FSHR: variants seen among roughly 807,000 people sequenced by gnomAD.
The protein encoded by FSHR is follicle stimulating hormone receptor, also known as follicle-stimulating hormone receptor.
Under a neutral mutation model 52.1 loss-of-function variants are expected in FSHR, and 46 were observed. The ratio of observed to expected loss-of-function variants is 0.88; its 90% CI spans 0.70 to 1.13. The LOEUF (loss-of-function observed/expected upper bound fraction) is 1.13, where lower values mean the gene tolerates loss of function less well. Ranked by LOEUF, FSHR falls within the 50% of genes most tolerant of loss-of-function variation. The pLI, the probability that FSHR is intolerant of heterozygous loss-of-function variation, is 0.00. For missense variants in FSHR, 964 were observed against 834.6 expected, an observed-to-expected ratio of 1.16 and a Z score of -1.91; for synonymous variants, 399 against 309.6, an observed-to-expected ratio of 1.29 and a Z score of -3.03.
chr2:49,107,497 T>TA (rs1671271934), intron 1 of FSHR, among the ~76,000 whole-genome samples: 1 of 152,136 alleles, frequency 6.6e-6, no homozygotes, highest in Non-Finnish European at 1.5e-5. Flanking sequence ...TCTTGTGTCT[T>TA]AAAAATTACA....
intron 8 of FSHR, among the ~76,000 whole-genome samples, chr2:48,969,853 C>T (rs375089256): frequency 3.9e-5 from 6 of 152,168 alleles, no homozygotes; most frequent in African/African-American, 1.4e-4. Flanking sequence ...CTGGTAGTTG[C>T]AACCTTCAAA....
intron 4 of FSHR, 102 bp from the exon 5 acceptor site, chr2:48,990,739 C>G (rs1675733645): frequency 1.2e-6 from 1 of 805,190 alleles, no homozygotes; most frequent in Admixed American, 1.8e-5. Context: ...TTTGAACCAT[C>G]AGAAAAATCT....
intron 1 of FSHR, among the ~76,000 whole-genome samples, chr2:49,088,953 TACTG>T (rs1670498606): frequency 6.6e-6 from 1 of 152,218 alleles, no homozygotes; most frequent in South Asian, 2.1e-4. Flanking sequence ...AATTATATTT[TACTG>T]ACTGTGTAAA....
intron 2 of FSHR, among the ~76,000 whole-genome samples, chr2:49,044,325 C>A (rs957407019): frequency 1.6e-4 from 24 of 152,166 alleles, no homozygotes; most frequent in Admixed American, 6.5e-5. Context: ...CTTCCAGGAA[C>A]CCTCTCGCCT....
chr2:49,134,357 A>G (rs1337639282), intron 1 of FSHR, among the ~76,000 whole-genome samples: 1 of 152,212 alleles, frequency 6.6e-6, no homozygotes, highest in East Asian at 1.9e-4. Context: ...AATCGAAACC[A>G]CAATGAGATA....
intron 1 of FSHR, among the ~76,000 whole-genome samples, chr2:49,070,783 A>G (rs1669701411): frequency 6.6e-6 from 1 of 152,216 alleles, no homozygotes; most frequent in African/African-American, 2.4e-5. Flanking sequence ...ATTTCCTGAA[A>G]TGTTATAAAC....
At chr2:49,036,817 G>A (rs996694062) in intron 2 of FSHR, among the ~76,000 whole-genome samples, 2 of 152,136 alleles carry the variant, frequency 1.3e-5, no homozygotes, top group East Asian at 3.8e-4. Flanking sequence ...TGGCTGACAT[G>A]GAAGTCTGAG....
chr2:48,973,807 CTGTGA>C (rs1427022602), intron 8 of FSHR, among the ~76,000 whole-genome samples: 2 of 152,234 alleles, frequency 1.3e-5, no homozygotes, highest in Non-Finnish European at 2.9e-5. Flanking sequence ...CCCCAGCCAA[CTGTGA>C]TGTTCTCCGA....
At chr2:48,989,336 G>A (rs1443322755) in intron 5 of FSHR, among the ~76,000 whole-genome samples, 4 of 146,208 alleles carry the variant, frequency 2.7e-5, no homozygotes, top group Non-Finnish European at 5.9e-5. Context: ...AGGCTGGAGT[G>A]CAGTGGTGCC....
rs114741296 is a variant in FSHR at position 49,012,350 on chromosome 2, C to T, written c.374+5139G>A. 8.4e-3 allele frequency among the ~76,000 whole-genome samples: 1,272 copies of T among 152,156 alleles called. 18 individuals carry two copies. The highest frequency in any genetic ancestry group is 0.029 in the African/African-American group (1,206 of 41,526). On this transcript the variant is annotated intron_variant, in intron 4 of 9. Coordinates refer to ENST00000406846, the MANE Select transcript of FSHR (RefSeq NM_000145.4). ...AAATACAATATTGACTTAAAAAAATCCACCCAGATGAATCCTTTGATGCAT... is the reference window on the plus strand; with the variant it reads ...AAATACAATATTGACTTAAAAAAATTCACCCAGATGAATCCTTTGATGCAT...
chr2:49,087,485 G>C (rs563609836), intron 1 of FSHR, among the ~76,000 whole-genome samples: 15 of 152,168 alleles, frequency 9.9e-5, no homozygotes, highest in African/African-American at 3.6e-4. Flanking sequence ...TAGGCCCTGA[G>C]GACATATGAT....
At chr2:49,120,634 G>C (rs1439237220) in intron 1 of FSHR, among the ~76,000 whole-genome samples, 1 of 152,200 alleles carries the variant, frequency 6.6e-6, no homozygotes, top group Non-Finnish European at 1.5e-5. Flanking sequence ...AAATAGGGCA[G>C]ACCTGGAGCT....
chr2:49,135,775 T>C (rs1399800701), intron 1 of FSHR, among the ~76,000 whole-genome samples: 2 of 152,316 alleles, frequency 1.3e-5, no homozygotes, highest in South Asian at 2.1e-4. Flanking sequence ...ATGTGTATTG[T>C]ATACTGTATT....
At chr2:49,111,773 G>GA (rs913545495) in intron 1 of FSHR, among the ~76,000 whole-genome samples, 13 of 152,246 alleles carry the variant, frequency 8.5e-5, no homozygotes, top group African/African-American at 3.1e-4. Flanking sequence ...AGTTGGCAGG[G>GA]AAAATCTCCA....
At chr2:48,986,907 G>T (rs1006263881) in intron 6 of FSHR, among the ~76,000 whole-genome samples, 3 of 152,064 alleles carry the variant, frequency 2.0e-5, no homozygotes, top group African/African-American at 7.2e-5. Context: ...AAAACTACAA[G>T]AATGATATGA....
chr2:49,094,076 C>T (rs1441045487), intron 1 of FSHR, among the ~76,000 whole-genome samples: 1 of 152,088 alleles, frequency 6.6e-6, no homozygotes, highest in African/African-American at 2.4e-5. Context: ...TTAGTTTCCT[C>T]CTTTCTTCCT....
intron 8 of FSHR, among the ~76,000 whole-genome samples, chr2:48,972,208 C>T (rs1263444977): frequency 6.6e-6 from 1 of 152,224 alleles, no homozygotes; most frequent in East Asian, 1.9e-4. Context: ...CTGGACTCCT[C>T]TCTTTCTCTC....
At position 48,985,697 on chromosome 2, in the gene FSHR, G is replaced by GTTTTTTT. The variant is rs70946839; in HGVS notation, c.525-2538_525-2532dup. Among the ~76,000 whole-genome samples, 40 of 99,570 alleles carry GTTTTTTT rather than the reference G, an allele frequency of 4.0e-4. 10 individuals are homozygous for GTTTTTTT. The highest frequency in any genetic ancestry group is 1.3e-3 in the African/African-American group (30 of 23,906). 65.3% of individuals were successfully genotyped at this position (99,570 alleles called of 152,430 possible). Reference sequence around the variant, plus strand: ...TTCAGTTTCAGGGGAGCAAGTACAGGTTTTTTTTTTTTTTTTTTTTTTTTT... The same window carrying GTTTTTTT: ...TTCAGTTTCAGGGGAGCAAGTACAGGTTTTTTTTTTTTTTTTTTTTTTTTTTTTTTTT... On this transcript the variant is annotated intron_variant, in intron 6 of 9. Coordinates refer to ENST00000406846, the MANE Select transcript of FSHR (RefSeq NM_000145.4).
At chr2:49,130,647 A>G (rs920548564) in intron 1 of FSHR, among the ~76,000 whole-genome samples, 10 of 152,242 alleles carry the variant, frequency 6.6e-5, no homozygotes, top group African/African-American at 2.4e-4. Context: ...TGACTTTTGT[A>G]GCTTTACATC....
Sources: allele counts gnomAD v4.1 joint callset (sites outside exome capture counted in the v4.1 genomes callset), GRCh38; gene constraint gnomAD v4.1.1; transcripts MANE v1.5; gene names NCBI Gene and HGNC (gene_info 2026-07-23, HGNC 2026-07-21).